Variants in TLK1 observed in about 807,000 individuals in gnomAD.
TLK1 encodes serine/threonine-protein kinase tousled-like 1.
In TLK1, 24 loss-of-function variants were observed where a neutral mutation model predicts 105.3. That is an observed-to-expected ratio of 0.23 (90% CI 0.17 to 0.32). TLK1 has a LOEUF of 0.32. Ranked by LOEUF, TLK1 falls within the 10% of genes least tolerant of loss-of-function variation. The pLI is 1.00. For missense variants in TLK1, 558 were observed against 910.5 expected (o/e 0.61, Z 4.98); for synonymous variants, 321 against 310.4 (o/e 1.03, Z -0.36).
chr2:171,003,199 G>A (rs1019918738), intron 18 of TLK1, among the ~76,000 whole-genome samples: 8 of 148,842 alleles, frequency 5.4e-5, no homozygotes, highest in African/African-American at 1.3e-4. Flanking sequence ...GTGTGGACCC[G>A]GGAGGCGGAG....
intron 1 of TLK1, among the ~76,000 whole-genome samples, chr2:171,187,193 A>T (rs540596648): frequency 1.0e-3 from 155 of 151,778 alleles, no homozygotes; most frequent in African/African-American, 3.7e-3. Context: ...AGCAAAGTTC[A>T]TCTTCATTAC....
At chr2:171,080,993 C>T (rs1688726410) in intron 3 of TLK1, among the ~76,000 whole-genome samples, 1 of 152,094 alleles carries the variant, frequency 6.6e-6, no homozygotes, top group Admixed American at 6.6e-5. Flanking sequence ...AGCGTGAGCC[C>T]CCGTACATGG....
intron 1 of TLK1, among the ~76,000 whole-genome samples, chr2:171,150,903 C>A (rs1232907684): frequency 6.6e-6 from 1 of 152,086 alleles, no homozygotes; most frequent in African/African-American, 2.4e-5. Flanking sequence ...AGTAGTTAAC[C>A]AATTATAGTG....
intron 2 of TLK1, among the ~76,000 whole-genome samples, chr2:171,094,733 C>T (rs574769107): frequency 4.6e-5 from 7 of 152,090 alleles, no homozygotes; most frequent in South Asian, 2.1e-4. Context: ...CTCAGCCTCC[C>T]GAGTAGCTGC....
chr2:171,180,002 C>T (rs1241932168), intron 1 of TLK1, among the ~76,000 whole-genome samples: 3 of 148,112 alleles, frequency 2.0e-5, no homozygotes, highest in South Asian at 2.1e-4. Flanking sequence ...GGCTGAAGCA[C>T]AAGAATCACT....
intron 2 of TLK1, among the ~76,000 whole-genome samples, chr2:171,112,810 C>T (rs1270606554): frequency 2.6e-5 from 4 of 152,098 alleles, no homozygotes; most frequent in East Asian, 3.9e-4. Context: ...AAAAGATCAG[C>T]AACAAACTTT....
chr2:171,212,908 A>AAG (rs2105326444), intron 1 of TLK1, among the ~76,000 whole-genome samples: 1 of 151,648 alleles, frequency 6.6e-6, no homozygotes, highest in Non-Finnish European at 1.5e-5. Context: ...TTTTAAAAAA[A>AAG]ACAAGCAAAA....
chr2:171,091,017 G>A (rs1357513394), intron 2 of TLK1, among the ~76,000 whole-genome samples: 1 of 152,228 alleles, frequency 6.6e-6, no homozygotes, highest in African/African-American at 2.4e-5. Flanking sequence ...CTATTAGACA[G>A]AGTTGCTATA....
At chr2:171,141,816 A>AG (rs992967510) in intron 1 of TLK1, among the ~76,000 whole-genome samples, 7 of 152,144 alleles carry the variant, frequency 4.6e-5, no homozygotes, top group African/African-American at 1.7e-4. Context: ...GCCCAAATAG[A>AG]GAAAAAAAAG....
At chr2:171,131,050 T>C (rs1224003780) in intron 1 of TLK1, among the ~76,000 whole-genome samples, 3 of 151,992 alleles carry the variant, frequency 2.0e-5, no homozygotes, top group Non-Finnish European at 4.4e-5. Context: ...TAAACTTAGA[T>C]AGATACCTAT....
intron 10 of TLK1, among the ~76,000 whole-genome samples, chr2:171,048,320 A>T (rs1687058271): frequency 6.6e-6 from 1 of 152,224 alleles, no homozygotes; most frequent in African/African-American, 2.4e-5. Context: ...ATTCATATTA[A>T]TTATATAACT....
chr2:171,068,222 G>A (rs1026557472), intron 3 of TLK1, among the ~76,000 whole-genome samples: 17 of 152,132 alleles, frequency 1.1e-4, no homozygotes, highest in East Asian at 1.9e-4. Context: ...CCAACTACTC[G>A]GGAGGTTGAG....
intron 3 of TLK1, among the ~76,000 whole-genome samples, chr2:171,076,889 A>G (rs529708666): frequency 5.3e-5 from 8 of 152,034 alleles, no homozygotes; most frequent in East Asian, 3.9e-4. Context: ...ACTCCAGCCT[A>G]GGCAACGAGT....
intron 1 of TLK1, among the ~76,000 whole-genome samples, chr2:171,206,043 T>A (rs1459169402): frequency 6.6e-6 from 1 of 152,192 alleles, no homozygotes; most frequent in African/African-American, 2.4e-5. Flanking sequence ...CTATGTTATA[T>A]TTTGTTACTG....
In TLK1 at chr2:171,160,468, G is replaced by A; in HGVS notation, c.-40C>T. On this transcript the variant is annotated 5_prime_UTR_variant, in exon 1 of 21. Transcript: ENST00000431350. The surrounding 1 kb of genome is among the most constrained non-coding windows in gnomAD (Gnocchi z 4.4). ...GGAACCCGACTCCCCCCCTGCGACG[G>A]CAGCGGCGGCAACGGCACCGGCACC... The A allele has an allele frequency of 6.4e-7, 1 of 1,574,118 alleles. No homozygotes were observed. The highest frequency in any genetic ancestry group is 8.6e-7 in the Non-Finnish European group (1 of 1,164,536).
intron 1 of TLK1, among the ~76,000 whole-genome samples, chr2:171,119,153 C>T (rs1690551234): frequency 6.6e-6 from 1 of 152,118 alleles, no homozygotes; most frequent in African/African-American, 2.4e-5. Context: ...AGAAGTCTAC[C>T]TTAGCCTCAA....
At chr2:171,207,624 G>T (rs185920857) in intron 1 of TLK1, among the ~76,000 whole-genome samples, 8 of 152,228 alleles carry the variant, frequency 5.3e-5, no homozygotes, top group Middle Eastern at 3.4e-3. Context: ...GGAGATGGGG[G>T]GATATAGGAA....
intron 3 of TLK1, among the ~76,000 whole-genome samples, chr2:171,078,653 C>T (rs986046408): frequency 1.3e-5 from 2 of 152,190 alleles, no homozygotes; most frequent in African/African-American, 2.4e-5. Context: ...AGTTTGAGAA[C>T]CACAGCCTTG....
At chr2:170,996,568 C>A in intron 20 of TLK1, 85 bp downstream of exon 20, 1 of 1,109,174 alleles carries the variant, frequency 9.0e-7, no homozygotes, top group South Asian at 1.5e-5. Context: ...TGTGACTTTA[C>A]TTACTGGAAA....
Sources: gnomAD v4.1 joint callset for allele counts (sites outside exome capture counted in the v4.1 genomes callset) on GRCh38, gnomAD v4.1.1 for gene constraint, Gnocchi (gnomAD v3.1) non-coding constraint, MANE v1.5 for transcripts, NCBI Gene and HGNC (gene_info 2026-07-23, HGNC 2026-07-21) for gene names.